NEK11: variants seen among roughly 807,000 people sequenced by gnomAD.
NEK11 encodes NIMA related kinase 11.
In NEK11, 72 loss-of-function variants were observed where a neutral mutation model predicts 80.7. The ratio of observed to expected loss-of-function variants is 0.89; its 90% CI spans 0.74 to 1.08. NEK11 has a LOEUF of 1.08. Ranked by LOEUF, NEK11 falls within the 50% of genes least tolerant of loss-of-function variation. NEK11 has a pLI of 0.00. For synonymous variants in NEK11, 251 were observed against 260.7 expected, an observed-to-expected ratio of 0.96 and a Z score of 0.36; for missense variants, 764 against 763.6, an observed-to-expected ratio of 1.00 and a Z score of -0.01.
chr3:131,110,261 A>T (rs559395523), intron 5 of NEK11, among the ~76,000 whole-genome samples: 2 of 152,270 alleles, frequency 1.3e-5, no homozygotes, highest in African/African-American at 2.4e-5. Flanking sequence ...TGTATCTTAC[A>T]GCAGGCTTGA....
Position 131,265,548 on chromosome 3 carries a change from C to T in NEK11, c.1622-7930C>T, listed in dbSNP as rs1195763241. 7.9e-5 allele frequency among the ~76,000 whole-genome samples: 12 copies of T among 152,294 alleles called. No individual in the cohort carries two copies. The East Asian group carries it at 2.1e-3, about 27-fold the overall frequency. On this transcript the variant is annotated intron_variant, in intron 16 of 17. Coordinates refer to ENST00000383366, the MANE Select transcript of NEK11 (RefSeq NM_024800.5). ...ATTTGCCTAAGTTTAACCAGCCTTG[C>T]ATCACAGGAATGAAGCTGACTTGAT...
intron 3 of NEK11, among the ~76,000 whole-genome samples, chr3:131,034,532 T>C (rs2109381835): frequency 6.6e-6 from 1 of 152,304 alleles, no homozygotes; most frequent in East Asian, 1.9e-4. Context: ...CCCGAGTAGC[T>C]GGGACTACAG....
chr3:131,190,421 T>C, intron 14 of NEK11, among the ~76,000 whole-genome samples: 1 of 152,178 alleles, frequency 6.6e-6, no homozygotes, highest in African/African-American at 2.4e-5. Flanking sequence ...CCTAAAGTAA[T>C]GAGTGATTTC....
chr3:131,176,203 CA>C (rs1444389686), intron 14 of NEK11, among the ~76,000 whole-genome samples: 8 of 152,138 alleles, frequency 5.3e-5, no homozygotes, highest in Admixed American at 6.5e-5. Context: ...CATAATACAA[CA>C]AAAGGTGATA....
At chr3:131,221,487 A>G (rs2095024609) in intron 14 of NEK11, among the ~76,000 whole-genome samples, 1 of 152,136 alleles carries the variant, frequency 6.6e-6, no homozygotes, top group South Asian at 2.1e-4. Context: ...ACCCTTTAAG[A>G]ACCATTCTGG....
chr3:131,233,930 T>A (rs1400393957), intron 15 of NEK11, among the ~76,000 whole-genome samples: 1 of 152,222 alleles, frequency 6.6e-6, no homozygotes, highest in Non-Finnish European at 1.5e-5. Flanking sequence ...TTAAGTTACA[T>A]CTCCAAGACC....
At chr3:131,330,686 T>A (rs148650867) in intron 17 of NEK11, 1 of 152,344 alleles carries the variant, frequency 6.6e-6, no homozygotes, top group African/African-American at 2.4e-5. Context: ...AATGCTCAGA[T>A]CCTTTCTTAT....
At chr3:131,051,726 A>G (rs2068448982) in intron 3 of NEK11, among the ~76,000 whole-genome samples, 1 of 152,148 alleles carries the variant, frequency 6.6e-6, no homozygotes, top group Non-Finnish European at 1.5e-5. Flanking sequence ...AATGTTGTCC[A>G]GTCTGGTCTC....
At chr3:131,110,098 G>C (rs776214344) in intron 5 of NEK11, among the ~76,000 whole-genome samples, 177 bp downstream of exon 5, 3 of 152,048 alleles carry the variant, frequency 2.0e-5, no homozygotes, top group Non-Finnish European at 4.4e-5. Context: ...ATATCTAGAG[G>C]ATTTACTTGC....
intron 10 of NEK11, among the ~76,000 whole-genome samples, chr3:131,160,258 G>T (rs2091354481): frequency 6.6e-6 from 1 of 152,198 alleles, no homozygotes; most frequent in South Asian, 2.1e-4. Context: ...AGCCAGAAGA[G>T]ATTGGGGGCC....
At chr3:131,327,319 G>A (rs1195257711) in intron 17 of NEK11, 2 of 152,328 alleles carry the variant, frequency 1.3e-5, no homozygotes, top group African/African-American at 4.8e-5. Flanking sequence ...GCTGTTTGCA[G>A]AAGGTATGGA....
rs553267189 is a variant in NEK11 at position 131,063,175 on chromosome 3, C to T, written c.171-17248C>T. Among the ~76,000 whole-genome samples, 138 of 152,284 alleles carry T rather than the reference C, an allele frequency of 9.1e-4. 1 individual carries two copies. Among genetic ancestry groups the T allele is most frequent in the Non-Finnish European group, 1.5e-3 (101 of 68,034 alleles). ...AAGTAGCTGGGACTACAGCCACATGCCACCACGCCCAGCTAATTTTTTTAC... is the reference window on the plus strand; with the variant it reads ...AAGTAGCTGGGACTACAGCCACATGTCACCACGCCCAGCTAATTTTTTTAC... On this transcript the variant is annotated intron_variant, in intron 3 of 17. Transcript: ENST00000383366.
chr3:131,072,573 C>T (rs536932022), intron 3 of NEK11, among the ~76,000 whole-genome samples: 3 of 152,222 alleles, frequency 2.0e-5, no homozygotes, highest in Non-Finnish European at 2.9e-5. Flanking sequence ...ATTGCTTGAC[C>T]ATTTGTCTCA....
intron 3 of NEK11, among the ~76,000 whole-genome samples, chr3:131,065,222 A>G (rs1560233845): frequency 6.6e-6 from 1 of 152,230 alleles, no homozygotes; most frequent in Non-Finnish European, 1.5e-5. Context: ...CTAAACTACC[A>G]GTCTCAGTTT....
intron 4 of NEK11, among the ~76,000 whole-genome samples, chr3:131,086,786 T>C (rs1454165077): frequency 1.3e-5 from 2 of 152,200 alleles, no homozygotes; most frequent in East Asian, 3.8e-4. Flanking sequence ...TCTATTTCTA[T>C]AATACATATA....
rs578021568 is a variant in NEK11, at chr3:131,250,468, A to G, written c.1621+6972A>G. ...GAAGAAAGACATTTGCAGGCATCCA[A>G]TATCAAAAATGAGGTCTGAAAAATA... On this transcript the variant is annotated intron_variant, in intron 16 of 17. Transcript: ENST00000383366. 5.3e-5 allele frequency among the ~76,000 whole-genome samples: 8 copies of G among 152,242 alleles called. No homozygotes were observed. In the East Asian group the frequency reaches 1.4e-3, roughly 26 times the overall value.
chr3:131,129,207 G>C (rs4974474), intron 5 of NEK11, among the ~76,000 whole-genome samples: 123,947 of 151,912 alleles, frequency 0.82, 50,664 homozygotes, highest in East Asian at 0.86. Flanking sequence ...CCCACCACCA[G>C]GCCTGGCTAA....
intron 14 of NEK11, among the ~76,000 whole-genome samples, chr3:131,188,766 A>T (rs1487567095): frequency 1.3e-5 from 2 of 152,156 alleles, no homozygotes; most frequent in Non-Finnish European, 2.9e-5. Flanking sequence ...TGAGCAAGAC[A>T]GACTTGGTTC....
intron 14 of NEK11, among the ~76,000 whole-genome samples, chr3:131,208,217 T>G (rs868409286): frequency 1.3e-5 from 2 of 152,216 alleles, no homozygotes; most frequent in African/African-American, 2.4e-5. Flanking sequence ...ATTTATTAAA[T>G]AGGGAATCCT....
Sources: allele counts gnomAD v4.1 joint callset (sites outside exome capture counted in the v4.1 genomes callset), GRCh38; gene constraint gnomAD v4.1.1; transcripts MANE v1.5; gene names NCBI Gene and HGNC (gene_info 2026-07-23, HGNC 2026-07-21).